Variants in TENM3 observed in about 807,000 individuals in gnomAD.
TENM3 encodes teneurin transmembrane protein 3.
In TENM3, 63 loss-of-function variants were observed where a neutral mutation model predicts 255.1. The observed-to-expected ratio is 0.25, with a 90% CI of 0.20 to 0.30. The LOEUF (loss-of-function observed/expected upper bound fraction) is 0.30, where lower values mean the gene tolerates loss of function less well. Among genes scored for constraint, TENM3 ranks in the 10% least tolerant of loss-of-function variants. The pLI is 1.00. For synonymous variants in TENM3, 1,306 were observed against 1,322.3 expected (o/e 0.99, Z 0.27); for missense variants, 2,929 against 3,461.1 (o/e 0.85, Z 3.86).
chr4:182,640,267 G>A (rs150082022), intron 5 of TENM3, among the ~76,000 whole-genome samples: 19 of 152,146 alleles, frequency 1.2e-4, no homozygotes, highest in African/African-American at 4.1e-4. Context: ...TACTATAGAA[G>A]GTTCACTATT....
the TENM3 span, among the ~76,000 whole-genome samples, chr4:181,888,532 A>ATATATATATATATATATATGTGTG: frequency 1.3e-5 from 1 of 78,748 alleles, no homozygotes; most frequent in African/African-American, 4.6e-5. Flanking sequence ...ATATACATAT[A>ATATATATATATATATATATGTGTG]TGTGTATATA....
the TENM3 span, among the ~76,000 whole-genome samples, chr4:182,107,259 C>A: frequency 6.6e-6 from 1 of 152,014 alleles, no homozygotes; most frequent in African/African-American, 2.4e-5. Flanking sequence ...ATGAGCTGAT[C>A]CCTCAAGGCT....
chr4:181,936,384 G>A, the TENM3 span, among the ~76,000 whole-genome samples: 4 of 152,268 alleles, frequency 2.6e-5, no homozygotes, highest in African/African-American at 9.6e-5. Flanking sequence ...GACAGGGTGA[G>A]ACTCCATCAA....
chr4:181,683,561 C>T, the TENM3 span, among the ~76,000 whole-genome samples: 2 of 152,170 alleles, frequency 1.3e-5, no homozygotes, highest in East Asian at 1.9e-4. Context: ...GATGCTGATG[C>T]GACTGGTCCT....
At position 182,774,853 on chromosome 4, in the gene TENM3, G is replaced by A. The variant is rs1046270350; in HGVS notation, c.5069-65G>A. On this transcript the variant is annotated intron_variant, in intron 23 of 27. Coordinates refer to ENST00000511685, the MANE Select transcript of TENM3 (RefSeq NM_001080477.4). Reference sequence around the variant, plus strand: ...TTTAGAAATTTAGAACCTATCTCACGGCACAACCGGCCAAGTATTTAATCC... The same window carrying A: ...TTTAGAAATTTAGAACCTATCTCACAGCACAACCGGCCAAGTATTTAATCC... 8.4e-6 allele frequency: 10 copies of A among 1,197,528 alleles called. No individual in the cohort carries two copies. The Admixed American group carries it at 1.0e-4, about 12-fold the overall frequency. The allele number at this position is 1,197,528 out of a possible 1,614,324, so 74.2% of individuals were successfully genotyped here.
At chr4:181,480,533 T>C in the TENM3 span, among the ~76,000 whole-genome samples, 1 of 152,058 alleles carries the variant, frequency 6.6e-6, no homozygotes, top group Non-Finnish European at 1.5e-5. Context: ...AGACATCCAC[T>C]ATTAATAAGT....
chr4:182,018,117 C>G, the TENM3 span, among the ~76,000 whole-genome samples: 1 of 152,136 alleles, frequency 6.6e-6, no homozygotes, highest in African/African-American at 2.4e-5. Flanking sequence ...TTTGTACAAC[C>G]AGATAACTTA....
At chr4:182,003,601 T>C in the TENM3 span, among the ~76,000 whole-genome samples, 1 of 152,090 alleles carries the variant, frequency 6.6e-6, no homozygotes, top group Admixed American at 6.6e-5. Context: ...AAAACGGACA[T>C]GATATTGACT....
the TENM3 span, among the ~76,000 whole-genome samples, chr4:181,519,966 C>T: frequency 6.6e-6 from 1 of 152,198 alleles, no homozygotes; most frequent in Admixed American, 6.6e-5. Flanking sequence ...TTGCTCAAGT[C>T]AGAATTTCTT....
intron 3 of TENM3, among the ~76,000 whole-genome samples, chr4:182,503,265 T>C (rs886879561): frequency 6.6e-6 from 1 of 152,148 alleles, no homozygotes; most frequent in African/African-American, 2.4e-5. Context: ...ATTTAGACTT[T>C]CAACCTGTCC....
Position 182,673,207 on chromosome 4 carries a change from T to G in TENM3, c.1314T>G (p.Pro438=), listed in dbSNP as rs1385814060. The G allele has an allele frequency of 1.2e-6, 2 of 1,610,512 alleles. No homozygotes were observed. The highest frequency in any genetic ancestry group is 1.7e-4 in the Middle Eastern group (1 of 6,046). ...TATATGGCCGGAAAGGCTTACCGCCTTCCCATACTCAGGTAAGACTAGGCT... is the reference window on the plus strand; with the variant it reads ...TATATGGCCGGAAAGGCTTACCGCCGTCCCATACTCAGGTAAGACTAGGCT... ...IGVYGRKGLP[P]SHTQYDFVEL... is the part of the protein sequence containing the mutation. The change falls in exon 7 of 28, where the codon CCT becomes CCG. Residue 438 remains proline (P), a synonymous_variant. Transcript: ENST00000511685.
chr4:182,621,630 A>AC (rs1750166945), intron 4 of TENM3, among the ~76,000 whole-genome samples: 1 of 39,022 alleles, frequency 2.6e-5, no homozygotes, highest in Non-Finnish European at 6.1e-5. Context: ...TATATAAAAT[A>AC]TATAATATAT....
chr4:181,988,002 AG>A, the TENM3 span, among the ~76,000 whole-genome samples: 3 of 151,954 alleles, frequency 2.0e-5, no homozygotes, highest in Non-Finnish European at 4.4e-5. Context: ...TAAGTGGGGT[AG>A]GGGGTTAAAT....
chr4:182,197,891 G>C (rs965774354), intron 1 of TENM3, among the ~76,000 whole-genome samples: 11 of 152,178 alleles, frequency 7.2e-5, no homozygotes, highest in Admixed American at 7.2e-4. Context: ...GATCACCTGA[G>C]GTCAGGAGTT....
intron 13 of TENM3, among the ~76,000 whole-genome samples, chr4:182,722,268 G>A (rs1343697400): frequency 6.6e-6 from 1 of 152,144 alleles, no homozygotes; most frequent in East Asian, 1.9e-4. Flanking sequence ...TCAAGGATTA[G>A]CATAGTGTCT....
At chr4:181,654,638 C>A in the TENM3 span, among the ~76,000 whole-genome samples, 5,021 of 151,654 alleles carry the variant, frequency 0.033, 120 homozygotes, top group South Asian at 0.078. Context: ...CCTGTAATCC[C>A]AGCTACTCGG....
At chr4:181,900,783 T>C in the TENM3 span, among the ~76,000 whole-genome samples, 26 of 152,204 alleles carry the variant, frequency 1.7e-4, no homozygotes, top group African/African-American at 6.0e-4. Flanking sequence ...TCCCTTCCTT[T>C]CCCCCGGAGC....
chr4:181,476,580 T>TTCCCTGCACAGCATGCAATAATCTTAA, the TENM3 span, among the ~76,000 whole-genome samples: 4 of 152,204 alleles, frequency 2.6e-5, no homozygotes, highest in African/African-American at 9.6e-5. Flanking sequence ...AGCATTAATT[T>TTCCCTGCACAGCATGCAATAATCTTAA]TCCCTGCACA....
intron 3 of TENM3, among the ~76,000 whole-genome samples, chr4:182,479,778 A>T (rs1038490043): frequency 2.6e-5 from 4 of 152,004 alleles, no homozygotes; most frequent in African/African-American, 9.7e-5. Context: ...AGAAGTAAAT[A>T]TTTTTGATCT....
Sources: gnomAD v4.1 joint callset for allele counts (sites outside exome capture counted in the v4.1 genomes callset) on GRCh38, gnomAD v4.1.1 for gene constraint, MANE v1.5 for transcripts, NCBI Gene and HGNC (gene_info 2026-07-23, HGNC 2026-07-21) for gene names.